Variants in ADGRL3 observed in about 807,000 individuals in gnomAD.
ADGRL3 encodes the protein adhesion G protein-coupled receptor L3.
In ADGRL3, 62 loss-of-function variants were observed where a neutral mutation model predicts 153.5. That is an observed-to-expected ratio of 0.40 (90% CI 0.33 to 0.50). The LOEUF is 0.50. Among genes scored for constraint, ADGRL3 ranks in the 20% least tolerant of loss-of-function variants. The probability of loss-of-function intolerance (pLI) is 0.47; values close to 1 mark genes in which losing one functional copy is unlikely to be tolerated. For synonymous variants in ADGRL3, 710 were observed against 672.5 expected (o/e 1.06, Z -0.86); for missense variants, 1,641 against 1,859.4 (o/e 0.88, Z 2.16).
chr4:61,415,930 G>GT (rs886654000), intron 2 of ADGRL3, among the ~76,000 whole-genome samples: 7 of 151,794 alleles, frequency 4.6e-5, no homozygotes, highest in Non-Finnish European at 1.5e-5. Context: ...CTTCTGAACT[G>GT]TTTTTTCCAT....
intron 6 of ADGRL3, among the ~76,000 whole-genome samples, chr4:61,709,201 C>T (rs375614673): frequency 6.6e-5 from 10 of 152,086 alleles, no homozygotes; most frequent in Non-Finnish European, 1.3e-4. Context: ...ATTTCTACCA[C>T]GTTGTATCAG....
intron 4 of ADGRL3, among the ~76,000 whole-genome samples, chr4:61,551,933 C>T (rs984339046): frequency 6.6e-6 from 1 of 151,996 alleles, no homozygotes; most frequent in African/African-American, 2.4e-5. Flanking sequence ...TGTGGGATGG[C>T]CTCAAAATTA....
At position 61,201,554 on chromosome 4, in the gene ADGRL3, TTTG is replaced by T. The variant is rs1013482807; in HGVS notation, c.-442_-440del. 5 of 152,166 alleles carry T rather than the reference TTTG, an allele frequency of 3.3e-5. No individual in the cohort carries two copies. The highest frequency in any genetic ancestry group is 4.8e-5 in the African/African-American group (2 of 41,436). 9.4% of individuals were successfully genotyped at this position (152,166 alleles called of 1,614,324 possible). A position where few individuals can be genotyped will look rare whatever the true frequency, so the allele number is the denominator to read the frequency against. On this transcript the variant is annotated 5_prime_UTR_variant, in exon 1 of 27. Coordinates refer to ENST00000683033, the MANE Select transcript of ADGRL3 (RefSeq NM_001387552.1). ...AGCGGAAGAAAGGGAAGAGAGACTT[TTTG>T]TTGTTGTTTCCTTGACTGGGGTCTC...
chr4:61,698,347 G>A (rs564272127), intron 6 of ADGRL3, among the ~76,000 whole-genome samples: 127 of 152,156 alleles, frequency 8.3e-4, no homozygotes, highest in African/African-American at 2.9e-3. Context: ...AGCTACTTGG[G>A]AGGCTGAGGC....
intron 1 of ADGRL3, among the ~76,000 whole-genome samples, chr4:61,221,459 C>T (rs953996538): frequency 2.0e-5 from 3 of 152,078 alleles, no homozygotes; most frequent in Non-Finnish European, 1.5e-5. Flanking sequence ...CGTCTGTTCT[C>T]TAATTATAGT....
chr4:61,573,611 A>C (rs1184239134), intron 4 of ADGRL3, among the ~76,000 whole-genome samples: 1 of 152,130 alleles, frequency 6.6e-6, no homozygotes, highest in Non-Finnish European at 1.5e-5. Flanking sequence ...TTAGCAAAAT[A>C]GAAATCCATT....
intron 8 of ADGRL3, among the ~76,000 whole-genome samples, chr4:61,787,278 A>G (rs2097288196): frequency 6.6e-6 from 1 of 152,106 alleles, no homozygotes; most frequent in Non-Finnish European, 1.5e-5. Flanking sequence ...ACTTCCTGAA[A>G]TTCTATAAAG....
chr4:61,830,031 G>A (rs2097851878), intron 9 of ADGRL3, among the ~76,000 whole-genome samples: 1 of 150,282 alleles, frequency 6.7e-6, no homozygotes, highest in Non-Finnish European at 1.5e-5. Context: ...TTTTTTTTGA[G>A]ACAGATTCTA....
chr4:61,362,525 CA>C (rs2096303167), intron 1 of ADGRL3, among the ~76,000 whole-genome samples: 1 of 151,892 alleles, frequency 6.6e-6, no homozygotes, highest in Non-Finnish European at 1.5e-5. Context: ...TTAAGTTAAA[CA>C]GGAATCAACA....
intron 8 of ADGRL3, among the ~76,000 whole-genome samples, chr4:61,794,289 G>C (rs1285137925): frequency 6.6e-6 from 1 of 152,162 alleles, no homozygotes; most frequent in Non-Finnish European, 1.5e-5. Context: ...GCATTAGTCA[G>C]GTGGTCATTT....
At position 62,006,283 on chromosome 4, in the gene ADGRL3, G is replaced by A. The variant is rs917787297; in HGVS notation, c.3395+8018G>A. 3.6e-4 allele frequency among the ~76,000 whole-genome samples: 54 copies of A among 151,570 alleles called. 2 individuals carry two copies. Among genetic ancestry groups the A allele is most frequent in the Non-Finnish European group, 4.4e-5 (3 of 67,936 alleles). ...ATTCCTGACCTTAGGTGATCAGCCCGCTTTGGCCTCCCAAAGTGCCTGAGC... is the reference window on the plus strand; with the variant it reads ...ATTCCTGACCTTAGGTGATCAGCCCACTTTGGCCTCCCAAAGTGCCTGAGC... On this transcript the variant is annotated intron_variant, in intron 21 of 26. Coordinates refer to ENST00000683033, the MANE Select transcript of ADGRL3 (RefSeq NM_001387552.1).
chr4:61,736,104 T>C (rs2096507814), intron 8 of ADGRL3, among the ~76,000 whole-genome samples: 1 of 152,118 alleles, frequency 6.6e-6, no homozygotes, highest in African/African-American at 2.4e-5. Flanking sequence ...TTAGTATACA[T>C]ATTCATATGG....
At chr4:61,692,180 T>A (rs2151144952) in intron 6 of ADGRL3, among the ~76,000 whole-genome samples, 1 of 152,300 alleles carries the variant, frequency 6.6e-6, no homozygotes, top group East Asian at 1.9e-4. Context: ...ATACTTTGCA[T>A]ATAATATTAT....
intron 5 of ADGRL3, among the ~76,000 whole-genome samples, chr4:61,615,389 A>G (rs1041697722): frequency 6.6e-6 from 1 of 152,132 alleles, no homozygotes; most frequent in Non-Finnish European, 1.5e-5. Context: ...GTGCTAAAAT[A>G]AACACCGGTA....
chr4:62,019,913 C>T (rs2099230020), intron 21 of ADGRL3, among the ~76,000 whole-genome samples: 1 of 152,090 alleles, frequency 6.6e-6, no homozygotes, highest in Non-Finnish European at 1.5e-5. Flanking sequence ...GTGAGATTAT[C>T]TTATTTATTG....
chr4:61,914,847 C>T (rs1292374224), intron 13 of ADGRL3, among the ~76,000 whole-genome samples: 1 of 151,986 alleles, frequency 6.6e-6, no homozygotes, highest in East Asian at 1.9e-4. Flanking sequence ...TGAGAGTTAC[C>T]TTCCTGCTTT....
At chr4:61,611,798 A>G (rs1318199290) in intron 5 of ADGRL3, among the ~76,000 whole-genome samples, 1 of 152,028 alleles carries the variant, frequency 6.6e-6, no homozygotes, top group Non-Finnish European at 1.5e-5. Context: ...GTGTGTGCCT[A>G]TAGTCCTAGC....
At chr4:61,349,704 A>T (rs2151293127) in intron 1 of ADGRL3, among the ~76,000 whole-genome samples, 1 of 152,234 alleles carries the variant, frequency 6.6e-6, no homozygotes, top group South Asian at 2.1e-4. Context: ...AAATACTAGT[A>T]CCTTTACATA....
intron 1 of ADGRL3, among the ~76,000 whole-genome samples, chr4:61,296,229 AGG>A (rs2094407226): frequency 6.6e-6 from 1 of 152,172 alleles, no homozygotes; most frequent in South Asian, 2.1e-4. Context: ...TTATGTGATG[AGG>A]GAGACTTGTG....
Sources: allele counts gnomAD v4.1 joint callset (sites outside exome capture counted in the v4.1 genomes callset), GRCh38; gene constraint gnomAD v4.1.1; transcripts MANE v1.5; gene names NCBI Gene and HGNC (gene_info 2026-07-23, HGNC 2026-07-21).